Variants in KCTD8 observed in about 807,000 individuals in gnomAD.
KCTD8 encodes potassium channel tetramerization domain containing 8.
KCTD8 carries 27 observed loss-of-function variants against 31.5 expected under a neutral mutation model. The ratio of observed to expected loss-of-function variants is 0.86; its 90% CI spans 0.63 to 1.18. KCTD8 has a LOEUF of 1.18. Among genes scored for constraint, KCTD8 ranks in the 50% most tolerant of loss-of-function variants. The pLI, the probability that KCTD8 is intolerant of heterozygous loss-of-function variation, is 0.00. For synonymous variants in KCTD8, 290 were observed against 280.0 expected, an observed-to-expected ratio of 1.04 and a Z score of -0.36; for missense variants, 658 against 647.7, an observed-to-expected ratio of 1.02 and a Z score of -0.17.
Position 44,439,900 on chromosome 4 carries a change from TTTTATTTATTTATTTA to T in KCTD8, c.961+7647_961+7662del, listed in dbSNP as rs59211244. ...AACTTCTAGTCCACCAATCATTTAT[TTTTATTTATTTATTTA>T]TTTATTTATTTATTTATTTATTTAT... On this transcript the variant is annotated intron_variant, in intron 1 of 1. Coordinates refer to ENST00000360029, the MANE Select transcript of KCTD8 (RefSeq NM_198353.3). Among the ~76,000 whole-genome samples, 109 of 133,436 alleles carry T rather than the reference TTTTATTTATTTATTTA, an allele frequency of 8.2e-4. 1 individual carries two copies. The highest frequency in any genetic ancestry group is 4.0e-3 in the Middle Eastern group (1 of 248). The allele number at this position is 133,436 out of a possible 152,430, so 87.5% of individuals were successfully genotyped here.
In KCTD8 at chr4:44,174,906, C is replaced by T. The variant is rs778950237; in HGVS notation, c.1306G>A (p.Val436Met). 4 of 1,614,130 alleles carry T rather than the reference C, an allele frequency of 2.5e-6. No individual in the cohort carries two copies. In the East Asian group the frequency reaches 6.7e-5, roughly 27 times the overall value. The part of the protein sequence containing the change: ...SKKKVCEKLS[V>M]EEEMKKCIQD... ...ATACACTTTTTCATTTCTTCTTCCA[C>T]ACTTAGCTTCTCACAGACTTTCTTT... Residue 436 changes from valine to methionine, a missense_variant, in exon 2 of 2, where the codon GTG (valine) becomes ATG (methionine). Val to Met is a conservative substitution (Grantham distance 21, BLOSUM62 1). Coordinates refer to ENST00000360029, the MANE Select transcript of KCTD8 (RefSeq NM_198353.3).
chr4:44,378,240 T>TAC (rs35696079), intron 1 of KCTD8, among the ~76,000 whole-genome samples: 10 of 106,382 alleles, frequency 9.4e-5, no homozygotes, highest in African/African-American at 3.6e-4. Context: ...TATGTATAAA[T>TAC]ATATATATAT....
At chr4:44,265,023 GC>G (rs2109367730) in intron 1 of KCTD8, among the ~76,000 whole-genome samples, 1 of 152,288 alleles carries the variant, frequency 6.6e-6, no homozygotes, top group East Asian at 1.9e-4. Context: ...CTGTCTGACA[GC>G]TTTGAAGAGA....
intron 1 of KCTD8, among the ~76,000 whole-genome samples, chr4:44,409,258 GAGGA>G (rs1577659778): frequency 6.6e-6 from 1 of 151,634 alleles, no homozygotes; most frequent in Non-Finnish European, 1.5e-5. Flanking sequence ...GGGAAGAAAG[GAGGA>G]AGGAAGGAAG....
intron 1 of KCTD8, among the ~76,000 whole-genome samples, chr4:44,291,213 A>G (rs1230391495): frequency 1.3e-5 from 2 of 152,170 alleles, no homozygotes; most frequent in Non-Finnish European, 2.9e-5. Flanking sequence ...GTCTAGAGGA[A>G]ATAGATACAT....
At chr4:44,182,106 C>G (rs576463624) in intron 1 of KCTD8, among the ~76,000 whole-genome samples, 3 of 151,732 alleles carry the variant, frequency 2.0e-5, no homozygotes, top group South Asian at 2.1e-4. Flanking sequence ...ACAGCCGCCC[C>G]GTCCGGGAGG....
At position 44,361,472 on chromosome 4, in the gene KCTD8, T is replaced by C. The variant is rs531840383; in HGVS notation, c.961+86091A>G. On this transcript the variant is annotated intron_variant, in intron 1 of 1. Transcript: ENST00000360029. Reference sequence around the variant, plus strand: ...TACTTTTAAAACATGAAATACTTAATAGTGATGCCTCAGTTTCTTTCCTGA... The same window carrying C: ...TACTTTTAAAACATGAAATACTTAACAGTGATGCCTCAGTTTCTTTCCTGA... 9.2e-5 allele frequency among the ~76,000 whole-genome samples: 14 copies of C among 152,184 alleles called. No homozygotes were observed. The East Asian group carries it at 2.1e-3, about 23-fold the overall frequency.
chr4:44,357,896 TATTATTATA>T (rs1464674701), intron 1 of KCTD8, among the ~76,000 whole-genome samples: 1 of 151,482 alleles, frequency 6.6e-6, no homozygotes, highest in Non-Finnish European at 1.5e-5. Context: ...CTTTTATTAT[TATTATTATA>T]ATTATTATTA....
intron 1 of KCTD8, among the ~76,000 whole-genome samples, chr4:44,316,652 T>C (rs1432562106): frequency 6.6e-6 from 1 of 151,580 alleles, no homozygotes; most frequent in Non-Finnish European, 1.5e-5. Flanking sequence ...TTTGAATAGA[T>C]AAAAAACAGG....
At chr4:44,191,997 C>T (rs919966057) in intron 1 of KCTD8, among the ~76,000 whole-genome samples, 189 of 152,220 alleles carry the variant, frequency 1.2e-3, no homozygotes, top group African/African-American at 4.1e-3. Flanking sequence ...GTGGGCATCA[C>T]GGATCTACCG....
chr4:44,369,405 C>T (rs1308466161), intron 1 of KCTD8, among the ~76,000 whole-genome samples: 1 of 152,202 alleles, frequency 6.6e-6, no homozygotes, highest in African/African-American at 2.4e-5. Flanking sequence ...TCCAACCTGT[C>T]AGCAGGATTC....
chr4:44,294,459 C>G (rs1030569818), intron 1 of KCTD8, among the ~76,000 whole-genome samples: 4 of 152,172 alleles, frequency 2.6e-5, no homozygotes, highest in Middle Eastern at 3.2e-3. Flanking sequence ...ATTTCTCATG[C>G]CATCAAGTTC....
intron 1 of KCTD8, among the ~76,000 whole-genome samples, chr4:44,341,877 T>A (rs978487611): frequency 6.6e-6 from 1 of 152,148 alleles, no homozygotes; most frequent in African/African-American, 2.4e-5. Flanking sequence ...GACTGTAAAT[T>A]TACTTTACTC....
intron 1 of KCTD8, among the ~76,000 whole-genome samples, chr4:44,299,505 C>T (rs1029709193): frequency 6.6e-6 from 1 of 152,006 alleles, no homozygotes; most frequent in Admixed American, 6.6e-5. Flanking sequence ...CCAAGGCAGG[C>T]GGATCACAAG....
At chr4:44,328,569 T>C (rs1007937070) in intron 1 of KCTD8, among the ~76,000 whole-genome samples, 22 of 152,046 alleles carry the variant, frequency 1.4e-4, no homozygotes, top group Admixed American at 7.2e-4. Flanking sequence ...ATGTAACTAT[T>C]TAACATAAAT....
chr4:44,365,299 G>A (rs573668913), intron 1 of KCTD8, among the ~76,000 whole-genome samples: 13 of 152,098 alleles, frequency 8.5e-5, no homozygotes, highest in African/African-American at 3.1e-4. Flanking sequence ...GAGAAAAACA[G>A]AACTATGTCT....
chr4:44,400,476 C>T (rs556601853), intron 1 of KCTD8, among the ~76,000 whole-genome samples: 1 of 151,884 alleles, frequency 6.6e-6, no homozygotes, highest in African/African-American at 2.4e-5. Context: ...CACCTGTAAT[C>T]CCAACACTTT....
At chr4:44,210,594 A>G (rs1577832675) in intron 1 of KCTD8, among the ~76,000 whole-genome samples, 1 of 152,238 alleles carries the variant, frequency 6.6e-6, no homozygotes. Context: ...AAAAACTCCC[A>G]TAAGATTTCA....
chr4:44,307,943 A>T (rs565589515), intron 1 of KCTD8, among the ~76,000 whole-genome samples: 1 of 152,168 alleles, frequency 6.6e-6, no homozygotes, highest in African/African-American at 2.4e-5. Context: ...GATGAATTAC[A>T]AAAAGACTGA....
Sources: allele counts gnomAD v4.1 joint callset (sites outside exome capture counted in the v4.1 genomes callset), GRCh38; gene constraint gnomAD v4.1.1; transcripts MANE v1.5; gene names NCBI Gene and HGNC (gene_info 2026-07-23, HGNC 2026-07-21).